ATG2A: variants seen among roughly 807,000 people sequenced by gnomAD.
The protein encoded by ATG2A is autophagy related 2A, also known as autophagy-related protein 2 homolog A.
A neutral mutation model predicts 214.2 loss-of-function variants in ATG2A; 103 were observed. The observed-to-expected ratio is 0.48, with a 90% CI of 0.41 to 0.57. The LOEUF is 0.57. ATG2A is among the 20% of genes least tolerant of loss of function. ATG2A has a pLI of 0.00. For synonymous variants in ATG2A, 1,160 were observed against 1,142.1 expected (o/e 1.02, Z -0.32); for missense variants, 2,312 against 2,613.2 (o/e 0.88, Z 2.51).
Position 64,898,079 on chromosome 11 carries a change from C to T in ATG2A, c.4858+7G>A. On this transcript the variant is annotated splice_region_variant and intron_variant, in intron 34 of 40. Coordinates refer to ENST00000377264, the MANE Select transcript of ATG2A (RefSeq NM_015104.3). This position sits in a 1 kb window ranked among gnomAD's most constrained non-coding sequence, Gnocchi z 4.5. ...CAGACGCTCCCCTCCCTGGCCCAGC[C>T]TCTCACCCTCAGCGGAGGTCTCCCC... The T allele has an allele frequency of 1.9e-6, 3 of 1,613,734 alleles. No homozygotes were observed. Among genetic ancestry groups the T allele is most frequent in the Non-Finnish European group, 2.5e-6 (3 of 1,179,906 alleles).
At position 64,907,414 on chromosome 11, in the gene ATG2A, G is replaced by C. The variant is rs1396638059; in HGVS notation, c.2673C>G (p.Asp891Glu). Residue 891 changes from aspartate to glutamate, a missense_variant, in exon 19 of 41, where the codon GAC becomes GAG. Coordinates refer to ENST00000377264, the MANE Select transcript of ATG2A (RefSeq NM_015104.3). ...GGGCATCCTCGTCATCCGAGTCCGA[G>C]TCTGGGGTGAGATCAAAGCAGTTGG... ...KLANCFDLTPDSDSDDEDAHF... is the reference protein window; with the variant it reads ...KLANCFDLTPESDSDDEDAHF... The C allele has an allele frequency of 2.5e-6, 4 of 1,591,460 alleles. No individual in the cohort carries two copies. Among genetic ancestry groups the C allele is most frequent in the Non-Finnish European group, 3.4e-6 (4 of 1,168,878 alleles).
chr11:64,909,738 T>G lies in ATG2A; in HGVS notation c.2050A>C (p.Ser684Arg). 1 of 1,613,156 alleles carries G rather than the reference T, an allele frequency of 6.2e-7. No homozygotes were observed. Among genetic ancestry groups the G allele is most frequent in the Non-Finnish European group, 8.5e-7 (1 of 1,180,008 alleles). The change falls in exon 14 of 41, where the codon AGT becomes CGT. Residue 684 changes from serine to arginine, a missense_variant. Coordinates refer to ENST00000377264, the MANE Select transcript of ATG2A (RefSeq NM_015104.3). ...SEPQFRSELSSGPGPPVPTHL... is the reference protein window; with the variant it reads ...SEPQFRSELSRGPGPPVPTHL... ...GTGGGGACTGGGGGACCAGGCCCAC[T>G]GCTAAGCTCTGACCGGAACTGGGGC...
In ATG2A at chr11:64,907,381, G is replaced by C; in HGVS notation, c.2706C>G (p.Phe902Leu). The C allele has an allele frequency of 6.4e-7, 1 of 1,568,472 alleles. No homozygotes were observed. The highest frequency in any genetic ancestry group is 8.6e-7 in the Non-Finnish European group (1 of 1,156,974). ...GTGGGCCACCTGATGCCCCCACTGAGAAGAAGTGGGCATCCTCGTCATCCG... is the reference window on the plus strand; with the variant it reads ...GTGGGCCACCTGATGCCCCCACTGACAAGAAGTGGGCATCCTCGTCATCCG... ...SDSDDEDAHF[F>L]SVGASGGPQA... The change falls in exon 19 of 41, where the codon TTC (phenylalanine) becomes TTG (leucine). Residue 902 changes from phenylalanine (F) to leucine (L), a missense_variant. By Grantham distance (22) the Phe-to-Leu change is conservative. Transcript: ENST00000377264.
intron 9 of ATG2A, 118 bp from the exon 10 acceptor site, chr11:64,911,393 TG>T: frequency 9.7e-7 from 1 of 1,032,158 alleles, no homozygotes; most frequent in Non-Finnish European, 1.4e-6. Flanking sequence ...CATGTGGCTC[TG>T]GCAGAAGGCT....
In ATG2A at chr11:64,910,134, T is replaced by G. The variant is rs755219241; in HGVS notation, c.1769A>C (p.Asn590Thr). ...CCCCAGCTCCACGTCCGCCTGGAAGTTGGCCAGGTCCAGGGCCAGTTCTGA... is the reference window on the plus strand; with the variant it reads ...CCCCAGCTCCACGTCCGCCTGGAAGGTGGCCAGGTCCAGGGCCAGTTCTGA... ...CHSELALDLA[N>T]FQADVELGAL... The change falls in exon 13 of 41, where the codon AAC (asparagine) becomes ACC (threonine). Residue 590 changes from asparagine (N) to threonine (T), a missense_variant. Transcript: ENST00000377264. 1.9e-6 allele frequency: 3 copies of G among 1,611,904 alleles called. No individual in the cohort carries two copies. In the East Asian group the frequency reaches 6.7e-5, roughly 36 times the overall value.
chr11:64,912,001 G>A lies in ATG2A; in HGVS notation c.1088-19C>T, dbSNP rs1590656317. On this transcript the variant is annotated intron_variant, in intron 8 of 40. Coordinates refer to ENST00000377264, the MANE Select transcript of ATG2A (RefSeq NM_015104.3). ...AAGAGGTCTGTGGGTGAAGTGAGGA[G>A]TGTCAGGGACAGCCGACCCCAGCCC... 6.2e-7 allele frequency: 1 copy of A among 1,613,834 alleles called. No individual in the cohort carries two copies. Among genetic ancestry groups the A allele is most frequent in the Non-Finnish European group, 8.5e-7 (1 of 1,179,866 alleles).
At position 64,898,041 on chromosome 11, in the gene ATG2A, G is replaced by A. The variant is rs1944217869; in HGVS notation, c.4858+45C>T. 6.2e-7 allele frequency: 1 copy of A among 1,609,824 alleles called. No homozygotes were observed. The highest frequency in any genetic ancestry group is 1.7e-5 in the Admixed American group (1 of 59,780). On this transcript the variant is annotated intron_variant, in intron 34 of 40. Transcript: ENST00000377264. This position sits in a 1 kb window ranked among gnomAD's most constrained non-coding sequence, Gnocchi z 4.5. ...TGACTGGGAACCTGTGCTGTCCTGGGAGGCAGAAGGCCCAGACGCTCCCCT... is the reference window on the plus strand; with the variant it reads ...TGACTGGGAACCTGTGCTGTCCTGGAAGGCAGAAGGCCCAGACGCTCCCCT...
chr11:64,896,324 G>T, intron 39 of ATG2A, 138 bp downstream of exon 39: 1 of 1,294,538 alleles, frequency 7.7e-7, no homozygotes, highest in Non-Finnish European at 1.0e-6. Flanking sequence ...CCTCTCCGTG[G>T]CTGTTTCTCT....
intron 24 of ATG2A, 118 bp downstream of exon 24, chr11:64,905,445 G>T: frequency 8.8e-7 from 1 of 1,132,354 alleles, no homozygotes; most frequent in Non-Finnish European, 1.3e-6. Context: ...CCACATTCCT[G>T]AGAATGAGAC....
In ATG2A at chr11:64,897,752, G is replaced by C; in HGVS notation, c.4995-9C>G. 1 of 1,614,240 alleles carries C rather than the reference G, an allele frequency of 6.2e-7. No individual in the cohort carries two copies. Among genetic ancestry groups the C allele is most frequent in the Non-Finnish European group, 8.5e-7 (1 of 1,180,038 alleles). On this transcript the variant is annotated splice_polypyrimidine_tract_variant and intron_variant, in intron 35 of 40. Coordinates refer to ENST00000377264, the MANE Select transcript of ATG2A (RefSeq NM_015104.3). ...ACGTGAAGCGGAACTCTCTGGGTAG[G>C]GGAGCAGGAAGAGGGGGTTCTTTGC...
chr11:64,902,431 T>G, intron 27 of ATG2A, 45 bp from the exon 28 acceptor site: 1 of 1,528,780 alleles, frequency 6.5e-7, no homozygotes, highest in Non-Finnish European at 8.8e-7. Flanking sequence ...AGGACAGAGC[T>G]CCCCCAACCC....
chr11:64,900,402 C>T (rs1944310546), intron 31 of ATG2A, 92 bp downstream of exon 31: 1 of 1,585,756 alleles, frequency 6.3e-7, no homozygotes, highest in South Asian at 1.1e-5. Context: ...AGGGGTTTTC[C>T]TCTGCATTAG....
At chr11:64,909,250 C>A in intron 15 of ATG2A, 21 bp downstream of exon 15, 1 of 1,613,188 alleles carries the variant, frequency 6.2e-7, no homozygotes, top group Non-Finnish European at 8.5e-7. Context: ...CTCCTGGGCC[C>A]AGTCCAGAGC....
At chr11:64,916,235 G>C (rs1310578600) in intron 1 of ATG2A, among the ~76,000 whole-genome samples, 1 of 152,202 alleles carries the variant, frequency 6.6e-6, no homozygotes, top group East Asian at 1.9e-4. Context: ...GCCTCCTCCC[G>C]GCTTGAAGCC....
intron 31 of ATG2A, among the ~76,000 whole-genome samples, 171 bp downstream of exon 31, chr11:64,900,323 G>A (rs1009114155): frequency 1.3e-5 from 2 of 151,950 alleles, no homozygotes; most frequent in African/African-American, 2.4e-5. Flanking sequence ...ACTCTCCCCT[G>A]AGCGCTCTTC....
Position 64,900,349 on chromosome 11 carries a change from C to T in ATG2A, c.4464+145G>A, listed in dbSNP as rs1039728894. On this transcript the variant is annotated intron_variant, in intron 31 of 40. Transcript: ENST00000377264. ...AGCGCTCTTCACCATCGGACACACT[C>T]GATACATCTTGGTCCCTGCCTGGCT... is the stretch of plus-strand genomic sequence containing the variant. 3.2e-6 allele frequency: 4 copies of T among 1,262,918 alleles called. No homozygotes were observed. In the African/African-American group the frequency reaches 4.4e-5, roughly 14 times the overall value. The allele number at this position is 1,262,918 out of a possible 1,614,324, so 78.2% of individuals were successfully genotyped here.
At position 64,900,589 on chromosome 11, in the gene ATG2A, G is replaced by A. The variant is rs765732642; in HGVS notation, c.4369C>T (p.Arg1457Cys). 3.7e-6 allele frequency: 6 copies of A among 1,612,602 alleles called. No homozygotes were observed. The highest frequency in any genetic ancestry group is 1.3e-5 in the African/African-American group (1 of 74,912). ...TGGGGCCGGTTGGGGCCAGAGCAGCGGGAAGGGGAGCTCCTGGGACCTGAG... is the reference window on the plus strand; with the variant it reads ...TGGGGCCGGTTGGGGCCAGAGCAGCAGGAAGGGGAGCTCCTGGGACCTGAG... ...GLSGPRSSPS[R>C]CSGPNRPQNS... The change falls in exon 31 of 41, where the codon CGC becomes TGC. Residue 1457 changes from arginine to cysteine, a missense_variant. Transcript: ENST00000377264.
chr11:64,911,959 G>C lies in ATG2A; in HGVS notation c.1111C>G (p.Leu371Val), dbSNP rs752301510. The change falls in exon 9 of 41, where the codon CTC (leucine) becomes GTC (valine). Residue 371 changes from leucine (L) to valine (V), a missense_variant. Physicochemically the swap from Leu to Val is conservative, Grantham distance 32. Coordinates refer to ENST00000377264, the MANE Select transcript of ATG2A (RefSeq NM_015104.3). ...NTDLFFSMAG[L>V]TSSVASALSE... is the part of the protein sequence containing the mutation. ...AGGGCTGAGGCCACACTGCTTGTGA[G>C]GCCAGCCATGGAGAAGAAGAGGTCT... The C allele has an allele frequency of 1.9e-6, 3 of 1,613,740 alleles. No homozygotes were observed. In the South Asian group the frequency reaches 3.3e-5, roughly 18 times the overall value.
In ATG2A at chr11:64,897,077, G is replaced by T. The variant is rs985839272; in HGVS notation, c.5151-208C>A. On this transcript the variant is annotated intron_variant, in intron 37 of 40. Transcript: ENST00000377264. ...GCTCCGTTGCCCAGGCTGGAGTGAA[G>T]TGGTGCGATCTTGGCTCACTGCAAC... 20 of 763,476 alleles carry T rather than the reference G, an allele frequency of 2.6e-5. No homozygotes were observed. The African/African-American group carries it at 3.0e-4, about 11-fold the overall frequency. The allele number at this position is 763,476 out of a possible 1,614,324, so 47.3% of individuals were successfully genotyped here.
Sources: allele counts gnomAD v4.1 joint callset (sites outside exome capture counted in the v4.1 genomes callset), GRCh38; gene constraint gnomAD v4.1.1; non-coding constraint Gnocchi (gnomAD v3.1); transcripts MANE v1.5; gene names NCBI Gene and HGNC (gene_info 2026-07-23, HGNC 2026-07-21).